The following FBXL2 variants were observed in gnomAD, a reference collection of about 807,000 sequenced individuals.
FBXL2 encodes the protein F-box and leucine rich repeat protein 2, also known as F-box/LRR-repeat protein 2.
FBXL2 carries 38 observed loss-of-function variants against 69.2 expected under a neutral mutation model. The ratio of observed to expected loss-of-function variants is 0.55; its 90% CI spans 0.42 to 0.72. The LOEUF (loss-of-function observed/expected upper bound fraction) is 0.72. Among genes scored for constraint, FBXL2 ranks in the 30% least tolerant of loss-of-function variants. The pLI, the probability that FBXL2 is intolerant of heterozygous loss-of-function variation, is 0.00. For missense variants in FBXL2, 354 were observed against 520.3 expected, an observed-to-expected ratio of 0.68 and a Z score of 3.11; for synonymous variants, 192 against 201.3, an observed-to-expected ratio of 0.95 and a Z score of 0.39.
At chr3:33,292,939 A>G (rs1414656043) in intron 1 of FBXL2, among the ~76,000 whole-genome samples, 1 of 152,262 alleles carries the variant, frequency 6.6e-6, no homozygotes, top group Non-Finnish European at 1.5e-5. Flanking sequence ...TACAGGAACC[A>G]TAACAATTAT....
the FBXL2 span, chr3:33,416,805 T>C: frequency 6.2e-7 from 1 of 1,613,774 alleles, no homozygotes; most frequent in Non-Finnish European, 8.5e-7. Context: ...ATTTTCCGAT[T>C]ATCCAGCATC....
intron 1 of FBXL2, among the ~76,000 whole-genome samples, chr3:33,284,520 C>T (rs967938060): frequency 1.3e-5 from 2 of 152,178 alleles, no homozygotes; most frequent in Non-Finnish European, 2.9e-5. Context: ...AATGCATATT[C>T]TGTTGATTTG....
chr3:33,283,251 G>A (rs1201670386), intron 1 of FBXL2, among the ~76,000 whole-genome samples: 1 of 152,118 alleles, frequency 6.6e-6, no homozygotes, highest in Non-Finnish European at 1.5e-5. Context: ...AGAGTTTTTA[G>A]CAAGAAGGGC....
At chr3:33,303,093 AGGACTGC>A (rs1393528093) in intron 2 of FBXL2, 3 of 456,540 alleles carry the variant, frequency 6.6e-6, no homozygotes, top group Non-Finnish European at 1.3e-5. Flanking sequence ...GGCTTTTTAA[AGGACTGC>A]TGCCTCTATT....
chr3:33,363,667 A>G (rs1010224987), intron 4 of FBXL2, among the ~76,000 whole-genome samples: 11 of 152,202 alleles, frequency 7.2e-5, no homozygotes, highest in African/African-American at 2.7e-4. Context: ...GACATAAATC[A>G]CAGGGCATGG....
intron 1 of FBXL2, among the ~76,000 whole-genome samples, chr3:33,286,902 G>A (rs551174574): frequency 6.6e-6 from 1 of 152,220 alleles, no homozygotes; most frequent in Non-Finnish European, 1.5e-5. Context: ...CAGTATTAGA[G>A]TGGGAGTGTC....
chr3:33,377,166 A>G, intron 10 of FBXL2, 107 bp from the exon 11 acceptor site: 1 of 1,099,694 alleles, frequency 9.1e-7, no homozygotes, highest in East Asian at 2.4e-5. Flanking sequence ...AACAGAGGCA[A>G]AAGCATGTCA....
At chr3:33,406,774 C>CT (rs1459878606), downstream of FBXL2, among the ~76,000 whole-genome samples, 5 of 152,170 alleles carry the variant, frequency 3.3e-5, no homozygotes, top group African/African-American at 1.2e-4. Context: ...AACACAGTCC[C>CT]TCCCCAGGTA....
At position 33,324,690 on chromosome 3, in the gene FBXL2, G is replaced by A. The variant is rs566579759; in HGVS notation, c.65+26965G>A. Among the ~76,000 whole-genome samples the A allele has an allele frequency of 7.2e-5, 11 of 152,276 alleles. No individual in the cohort carries two copies. The East Asian group carries it at 1.3e-3, about 19-fold the overall frequency. On this transcript the variant is annotated intron_variant, in intron 2 of 14. Transcript: ENST00000484457. ...TCTGTTTTGGTACCAGTACCATGCTGTTTTGGTTACTGTAGCCTTGTAGTA... is the reference window on the plus strand; with the variant it reads ...TCTGTTTTGGTACCAGTACCATGCTATTTTGGTTACTGTAGCCTTGTAGTA...
Position 33,396,077 on chromosome 3 carries a change from T to C in FBXL2, n.1215-7157T>C, listed in dbSNP as rs1323819627. 6.4e-6 allele frequency: 8 copies of C among 1,257,946 alleles called. No individual in the cohort carries two copies. The East Asian group carries it at 2.0e-4, about 31-fold the overall frequency. The allele number at this position is 1,257,946 out of a possible 1,614,324, so 77.9% of individuals were successfully genotyped here. A position where few individuals can be genotyped will look rare whatever the true frequency, so the allele number is the denominator to read the frequency against. On this transcript the variant is annotated intron_variant and non_coding_transcript_variant, in intron 12 of 12. Coordinates refer to the FBXL2 transcript ENST00000463736. Reference sequence around the variant, plus strand: ...TTGGCATTCCTAACACAGCAAGAGTTCTCCAAAGCCTGCTCAATCGAGTCC... The same window carrying C: ...TTGGCATTCCTAACACAGCAAGAGTCCTCCAAAGCCTGCTCAATCGAGTCC...
intron 2 of FBXL2, among the ~76,000 whole-genome samples, chr3:33,322,960 G>T (rs1298999455): frequency 6.6e-6 from 1 of 152,014 alleles, no homozygotes; most frequent in African/African-American, 2.4e-5. Context: ...GCTGTCTTTA[G>T]CAATAGGTGT....
chr3:33,411,760 A>G, the FBXL2 span: 1 of 1,189,498 alleles, frequency 8.4e-7, no homozygotes, highest in Non-Finnish European at 1.2e-6. Flanking sequence ...TTACTATATT[A>G]TGTTCTAATG....
chr3:33,304,959 A>G (rs1331725677), intron 2 of FBXL2, among the ~76,000 whole-genome samples: 1 of 151,934 alleles, frequency 6.6e-6, no homozygotes, highest in African/African-American at 2.4e-5. Context: ...TGAAACACGT[A>G]TTTTTGTTTT....
rs1030620497 is a variant in FBXL2, at chr3:33,359,134, T to C, written c.120+113T>C. ...ATTATCTTTTATACTTAATATAACA[T>C]AATGGTATAATTTTGCATTTGATGA... On this transcript the variant is annotated intron_variant, in intron 3 of 14. Transcript: ENST00000484457. The C allele has an allele frequency of 9.0e-6, 8 of 892,576 alleles. No individual in the cohort carries two copies. In the African/African-American group the frequency reaches 1.4e-4, roughly 15 times the overall value. The allele number at this position is 892,576 out of a possible 1,614,324, so 55.3% of individuals were successfully genotyped here.
At chr3:33,392,303 C>T (rs1246960826), downstream of FBXL2, 4 of 366,436 alleles carry the variant, frequency 1.1e-5, no homozygotes, top group East Asian at 9.1e-5. Flanking sequence ...GACAGAAGCA[C>T]GGTGTCTGAC....
intron 2 of FBXL2, among the ~76,000 whole-genome samples, chr3:33,353,582 A>G (rs2040983990): frequency 1.3e-5 from 2 of 152,222 alleles, no homozygotes; most frequent in Admixed American, 6.5e-5. Context: ...ACACAAAACT[A>G]TAGCGACATT....
rs1032118967 is a variant in FBXL2, at chr3:33,289,477, A to C, written c.4-8187A>C. 8.5e-5 allele frequency among the ~76,000 whole-genome samples: 13 copies of C among 152,218 alleles called. No homozygotes were observed. In the East Asian group the frequency reaches 2.3e-3, roughly 27 times the overall value. ...AATTTTAAAAAACCTATCAGAGTTG[A>C]CACAAAAAAATCTAAAGAAACAAAA... On this transcript the variant is annotated intron_variant, in intron 1 of 14. Coordinates refer to ENST00000484457, the MANE Select transcript of FBXL2 (RefSeq NM_012157.5).
chr3:33,365,292 T>C (rs1222298591), intron 5 of FBXL2, among the ~76,000 whole-genome samples: 2 of 151,726 alleles, frequency 1.3e-5, no homozygotes, highest in African/African-American at 2.4e-5. Flanking sequence ...GTTTTTTTTT[T>C]TTTTTGAGAC....
intron 2 of FBXL2, among the ~76,000 whole-genome samples, chr3:33,357,006 C>T (rs978781123): frequency 1.3e-5 from 2 of 152,152 alleles, no homozygotes; most frequent in Non-Finnish European, 2.9e-5. Context: ...GGTTCAAATC[C>T]TAGTTCAGTG....
Sources: gnomAD v4.1 joint callset for allele counts (sites outside exome capture counted in the v4.1 genomes callset) on GRCh38, gnomAD v4.1.1 for gene constraint, MANE v1.5 for transcripts, NCBI Gene and HGNC (gene_info 2026-07-23, HGNC 2026-07-21) for gene names.